Variants in SMAD6 observed in about 807,000 individuals in gnomAD.
The protein encoded by SMAD6 is MAD homolog 6.
In SMAD6, 103 loss-of-function variants were observed where a neutral mutation model predicts 39.4. The observed-to-expected ratio is 2.62, with a 90% CI of 2.23 to 3.08. The LOEUF (loss-of-function observed/expected upper bound fraction) is 3.08, where lower values mean the gene tolerates loss of function less well. SMAD6 is among the 30% of genes most tolerant of loss of function. The pLI is 0.00. For missense variants in SMAD6, 1,104 were observed against 742.9 expected, an observed-to-expected ratio of 1.49 and a Z score of -5.65; for synonymous variants, 445 against 353.3, an observed-to-expected ratio of 1.26 and a Z score of -2.91.
intron 3 of SMAD6, among the ~76,000 whole-genome samples, chr15:66,724,458 A>G (rs1169030469): frequency 6.6e-6 from 1 of 152,186 alleles, no homozygotes; most frequent in African/African-American, 2.4e-5. Flanking sequence ...ATATTTATTC[A>G]TGGGCTACTC....
In SMAD6 at chr15:66,703,734, G is replaced by T; in HGVS notation, c.476G>T (p.Arg159Leu). The stretch of plus-strand genomic sequence containing the variant: ...GAGCCGGCGGGCGGCGGGCGGAGTC[G>T]CGAAGCGCGCTCGCGGCTGCTGCTG... ...ALEPAGGGRSREARSRLLLLE... is the reference protein window; with the variant it reads ...ALEPAGGGRSLEARSRLLLLE... Residue 159 changes from arginine to leucine, a missense_variant, in exon 1 of 4, where the codon CGC becomes CTC. Coordinates refer to ENST00000288840, the MANE Select transcript of SMAD6 (RefSeq NM_005585.5). The T allele has an allele frequency of 7.3e-7, 1 of 1,371,510 alleles. No homozygotes were observed. Among genetic ancestry groups the T allele is most frequent in the Non-Finnish European group, 9.5e-7 (1 of 1,049,084 alleles). 85.0% of individuals were successfully genotyped at this position (1,371,510 alleles called of 1,614,324 possible). A position where few individuals can be genotyped will look rare whatever the true frequency, so the allele number is the denominator to read the frequency against.
chr15:66,745,202 T>G (rs1893886095), intron 3 of SMAD6, among the ~76,000 whole-genome samples: 1 of 152,162 alleles, frequency 6.6e-6, no homozygotes, highest in Non-Finnish European at 1.5e-5. Context: ...TGAATAAGGT[T>G]GTGGATTGTT....
intron 3 of SMAD6, among the ~76,000 whole-genome samples, chr15:66,753,525 G>T (rs1173278344): frequency 6.6e-6 from 1 of 152,174 alleles, no homozygotes; most frequent in Non-Finnish European, 1.5e-5. Flanking sequence ...CCATTCCATA[G>T]ATGGAGAAAC....
In SMAD6 at chr15:66,703,363, G is replaced by A. The variant is rs1187856920; in HGVS notation, c.105G>A (p.Glu35=). 2.7e-6 allele frequency: 4 copies of A among 1,476,008 alleles called. No homozygotes were observed. The highest frequency in any genetic ancestry group is 3.6e-6 in the Non-Finnish European group (4 of 1,113,434). 91.4% of individuals were successfully genotyped at this position (1,476,008 alleles called of 1,614,324 possible). A position where few individuals can be genotyped will look rare whatever the true frequency, so the allele number is the denominator to read the frequency against. ...GGSGGGGGGD[E]DGSLGSRAEP... is the part of the protein sequence containing the mutation. Reference sequence around the variant, plus strand: ...GCGGCGGCGGCGGTGGCGGCGACGAGGATGGGAGCTTGGGCAGCCGAGCTG... The same window carrying A: ...GCGGCGGCGGCGGTGGCGGCGACGAAGATGGGAGCTTGGGCAGCCGAGCTG... Residue 35 remains glutamate (E), a synonymous_variant, in exon 1 of 4, where the codon GAG becomes GAA. Transcript: ENST00000288840.
At chr15:66,724,602 G>T (rs1440448760) in intron 3 of SMAD6, among the ~76,000 whole-genome samples, 39 of 152,200 alleles carry the variant, frequency 2.6e-4, no homozygotes, top group Non-Finnish European at 1.5e-5. Context: ...CAGGCAGTCT[G>T]TTGGGTTCCT....
rs186691080 is a variant in SMAD6 at position 66,747,550 on chromosome 15, A to C, written c.952+31052A>C. 2.2e-3 allele frequency among the ~76,000 whole-genome samples: 333 copies of C among 152,340 alleles called. No individual in the cohort carries two copies. Among genetic ancestry groups the C allele is most frequent in the Admixed American group, 3.9e-3 (59 of 15,304 alleles). ...ATTGCAGAGCCCGCCTGGCATTGGC[A>C]CCACCCCATCTGCCTACTGGCATTG... On this transcript the variant is annotated intron_variant, in intron 3 of 3. Transcript: ENST00000288840. This position sits in a 1 kb window ranked among gnomAD's most constrained non-coding sequence, Gnocchi z 4.5.
intron 3 of SMAD6, among the ~76,000 whole-genome samples, chr15:66,744,776 C>T (rs964192696): frequency 1.3e-5 from 2 of 152,348 alleles, no homozygotes; most frequent in East Asian, 1.9e-4. Flanking sequence ...CAGTGTGCTG[C>T]CCACAGCCCT....
intron 3 of SMAD6, among the ~76,000 whole-genome samples, chr15:66,728,476 G>A (rs1567100208): frequency 6.6e-6 from 1 of 151,336 alleles, no homozygotes; most frequent in African/African-American, 2.4e-5. Context: ...ATGTGATCTC[G>A]GCTCACTGCA....
chr15:66,719,566 G>A (rs1422373092), intron 3 of SMAD6, among the ~76,000 whole-genome samples: 1 of 152,230 alleles, frequency 6.6e-6, no homozygotes, highest in Non-Finnish European at 1.5e-5. Flanking sequence ...CCCCAGGATG[G>A]AGACTGCCCT....
At chr15:66,719,149 G>A (rs1893386017) in intron 3 of SMAD6, among the ~76,000 whole-genome samples, 2 of 152,214 alleles carry the variant, frequency 1.3e-5, no homozygotes, top group Admixed American at 1.3e-4. Flanking sequence ...GCTCATTGCT[G>A]GGCCAACTGC....
intron 3 of SMAD6, among the ~76,000 whole-genome samples, chr15:66,738,520 G>A (rs1317522707): frequency 1.3e-5 from 2 of 152,184 alleles, no homozygotes; most frequent in Non-Finnish European, 2.9e-5. Context: ...TTTCCTTTCT[G>A]TCCTTCAATT....
chr15:66,707,542 C>T (rs959299664), intron 1 of SMAD6: 2 of 152,344 alleles, frequency 1.3e-5, no homozygotes, highest in Non-Finnish European at 2.9e-5. Flanking sequence ...CGGCCCCTAG[C>T]CCTGCTTGTC....
At chr15:66,772,232 A>G (rs1894391372) in intron 3 of SMAD6, among the ~76,000 whole-genome samples, 1 of 152,232 alleles carries the variant, frequency 6.6e-6, no homozygotes, top group African/African-American at 2.4e-5. Flanking sequence ...TGGAAGCTCA[A>G]ATCCCAATTC....
intron 3 of SMAD6, chr15:66,717,143 T>A: frequency 7.8e-7 from 1 of 1,288,012 alleles, no homozygotes; most frequent in Non-Finnish European, 1.0e-6. Context: ...AATGAGAGGT[T>A]GGTGTTGGAC....
intron 1 of SMAD6, among the ~76,000 whole-genome samples, chr15:66,710,139 C>T (rs962293685): frequency 1.3e-5 from 2 of 152,102 alleles, no homozygotes; most frequent in Admixed American, 6.5e-5. Flanking sequence ...GGGGAACATG[C>T]GCAAGTCAGT....
intron 3 of SMAD6, among the ~76,000 whole-genome samples, chr15:66,746,927 T>G (rs946326547): frequency 1.3e-5 from 2 of 152,142 alleles, no homozygotes; most frequent in Non-Finnish European, 2.9e-5. Context: ...CCCCCAGAGT[T>G]GGGGGCATGA....
At chr15:66,738,642 A>G (rs896465085) in intron 3 of SMAD6, among the ~76,000 whole-genome samples, 12 of 152,218 alleles carry the variant, frequency 7.9e-5, no homozygotes, top group African/African-American at 2.9e-4. Flanking sequence ...TCCATGTTGC[A>G]CCCAGGCTTC....
rs146520262 is a variant in SMAD6, at chr15:66,734,675, C to T, written c.952+18177C>T. On this transcript the variant is annotated intron_variant, in intron 3 of 3. Coordinates refer to ENST00000288840, the MANE Select transcript of SMAD6 (RefSeq NM_005585.5). ...CAAGTGAAAGAGCTGCGATGAGAAC[C>T]CAATTTTTCCCCAAACTCAAAAGCT... Among the ~76,000 whole-genome samples the T allele has an allele frequency of 3.0e-3, 451 of 152,198 alleles. 15 individuals are homozygous for T. Among genetic ancestry groups the T allele is most frequent in the Admixed American group, 0.025 (385 of 15,278 alleles).
At chr15:66,777,646 T>TG (rs1413563881) in intron 3 of SMAD6, among the ~76,000 whole-genome samples, 3 of 152,010 alleles carry the variant, frequency 2.0e-5, no homozygotes, top group Non-Finnish European at 2.9e-5. Flanking sequence ...GTAGACCAAC[T>TG]GGGGGGCACT....
Sources: gnomAD v4.1 joint callset for allele counts (sites outside exome capture counted in the v4.1 genomes callset) on GRCh38, gnomAD v4.1.1 for gene constraint, Gnocchi (gnomAD v3.1) non-coding constraint, MANE v1.5 for transcripts, NCBI Gene and HGNC (gene_info 2026-07-23, HGNC 2026-07-21) for gene names.